ZC2HC1A: variants seen among roughly 807,000 people sequenced by gnomAD.
The protein encoded by ZC2HC1A is zinc finger C2HC-type containing 1A, also known as zinc finger C2HC domain-containing protein 1A.
Under a neutral mutation model 40.7 loss-of-function variants are expected in ZC2HC1A, and 28 were observed. That is an observed-to-expected ratio of 0.69 (90% confidence interval 0.51 to 0.94). The LOEUF (loss-of-function observed/expected upper bound fraction) is 0.94. ZC2HC1A is among the 40% of genes least tolerant of loss of function. ZC2HC1A has a pLI of 0.00. For synonymous variants in ZC2HC1A, 129 were observed against 129.2 expected (o/e 1.00, Z 0.01); for missense variants, 389 against 386.3 (o/e 1.01, Z -0.06).
intron 1 of ZC2HC1A, among the ~76,000 whole-genome samples, chr8:78,668,645 T>G (rs375631881): frequency 4.7e-4 from 72 of 152,314 alleles, no homozygotes; most frequent in Middle Eastern, 6.8e-3. Context: ...TCAAACACTA[T>G]ACTTTGAAAT....
chr8:78,676,125 T>TA (rs145824687), intron 2 of ZC2HC1A: 23,178 of 193,204 alleles, frequency 0.12, 273 homozygotes, highest in Middle Eastern at 0.17. Context: ...ACAAACAAAA[T>TA]AAAAAAAAAA....
intron 5 of ZC2HC1A, among the ~76,000 whole-genome samples, chr8:78,690,682 A>C (rs1810182576): frequency 6.6e-6 from 1 of 152,204 alleles, no homozygotes; most frequent in Non-Finnish European, 1.5e-5. Context: ...TTCATAAATC[A>C]ATTTGAGAAG....
intron 7 of ZC2HC1A, among the ~76,000 whole-genome samples, chr8:78,708,915 C>T (rs1294824870): frequency 6.6e-6 from 1 of 152,096 alleles, no homozygotes; most frequent in Admixed American, 6.6e-5. Context: ...ATCCATCCAC[C>T]TCGGTTTCCC....
At chr8:78,707,916 C>T (rs1810827286) in intron 7 of ZC2HC1A, among the ~76,000 whole-genome samples, 1 of 151,230 alleles carries the variant, frequency 6.6e-6, no homozygotes, top group Non-Finnish European at 1.5e-5. Flanking sequence ...ATTGTAAGCT[C>T]CATGATGGCA....
intron 1 of ZC2HC1A, among the ~76,000 whole-genome samples, chr8:78,673,274 C>T (rs1809485227): frequency 6.6e-6 from 1 of 152,138 alleles, no homozygotes; most frequent in East Asian, 1.9e-4. Context: ...CATAGTATTC[C>T]ATGGTAGACA....
At chr8:78,714,453 T>C (rs1462231617) in intron 7 of ZC2HC1A, among the ~76,000 whole-genome samples, 2 of 152,194 alleles carry the variant, frequency 1.3e-5, no homozygotes, top group African/African-American at 4.8e-5. Flanking sequence ...GTACTTTTTT[T>C]CTCATAACCT....
At chr8:78,705,739 G>A (rs921199064) in intron 7 of ZC2HC1A, among the ~76,000 whole-genome samples, 11 of 152,156 alleles carry the variant, frequency 7.2e-5, no homozygotes, top group Admixed American at 7.2e-4. Context: ...CTATCCCAGG[G>A]ACTTTGCAAA....
rs1408500504 is a variant in ZC2HC1A at position 78,714,191 on chromosome 8, G to A, written c.705-1030G>A. On this transcript the variant is annotated intron_variant, in intron 7 of 8. Coordinates refer to ENST00000263849, the MANE Select transcript of ZC2HC1A (RefSeq NM_016010.3). ...TGCTTCAATGAACATCTAAATCCTAGCTTTGGAACACACTAGCAGGGTCAC... is the reference window on the plus strand; with the variant it reads ...TGCTTCAATGAACATCTAAATCCTAACTTTGGAACACACTAGCAGGGTCAC... Among the ~76,000 whole-genome samples the A allele has an allele frequency of 2.0e-5, 3 of 152,220 alleles. No individual in the cohort carries two copies. In the East Asian group the frequency reaches 5.8e-4, roughly 29 times the overall value.
At chr8:78,675,359 T>C (rs1585977513) in intron 1 of ZC2HC1A, among the ~76,000 whole-genome samples, 1 of 152,156 alleles carries the variant, frequency 6.6e-6, no homozygotes, top group Middle Eastern at 3.4e-3. Flanking sequence ...CGTTTTATTC[T>C]AGATTCTTCA....
At chr8:78,670,613 A>C (rs886512456) in intron 1 of ZC2HC1A, among the ~76,000 whole-genome samples, 1 of 152,212 alleles carries the variant, frequency 6.6e-6, no homozygotes, top group Non-Finnish European at 1.5e-5. Context: ...GGTCATGTTC[A>C]GACTGGGTAG....
chr8:78,693,937 A>C (rs1239365226), intron 5 of ZC2HC1A, among the ~76,000 whole-genome samples: 1 of 152,184 alleles, frequency 6.6e-6, no homozygotes, highest in Non-Finnish European at 1.5e-5. Flanking sequence ...ATCCAGTTTC[A>C]GCTTTCTACA....
At chr8:78,711,061 AG>A (rs1162953837) in intron 7 of ZC2HC1A, among the ~76,000 whole-genome samples, 1 of 152,104 alleles carries the variant, frequency 6.6e-6, no homozygotes, top group African/African-American at 2.4e-5. Context: ...GACACATAAT[AG>A]ATGCTCATAA....
At chr8:78,698,579 TTTGATAA>T in intron 7 of ZC2HC1A, 66 bp downstream of exon 7, 1 of 1,213,560 alleles carries the variant, frequency 8.2e-7, no homozygotes, top group Non-Finnish European at 1.1e-6. Context: ...TTTGTTATGT[TTTGATAA>T]TTGCTTTTTC....
intron 5 of ZC2HC1A, among the ~76,000 whole-genome samples, chr8:78,693,913 G>C (rs1220377130): frequency 6.6e-6 from 1 of 152,094 alleles, no homozygotes; most frequent in Non-Finnish European, 1.5e-5. Flanking sequence ...TTTTGTGTAA[G>C]GTATAAGGAA....
At chr8:78,709,669 T>G (rs1810892745) in intron 7 of ZC2HC1A, among the ~76,000 whole-genome samples, 1 of 151,828 alleles carries the variant, frequency 6.6e-6, no homozygotes, top group Non-Finnish European at 1.5e-5. Context: ...AAAGAAGAAT[T>G]GTCTTGGACC....
At chr8:78,689,941 T>TA (rs1244881144) in intron 5 of ZC2HC1A, among the ~76,000 whole-genome samples, 2 of 152,202 alleles carry the variant, frequency 1.3e-5, no homozygotes, top group East Asian at 3.9e-4. Context: ...TTTTAGCTCT[T>TA]ACATCTGTAA....
chr8:78,666,283 C>G, intron 1 of ZC2HC1A, 119 bp downstream of exon 1: 8 of 1,484,392 alleles, frequency 5.4e-6, no homozygotes, highest in Non-Finnish European at 5.5e-6. Context: ...TCGCCGCGTC[C>G]CGCCGCGCCT....
At position 78,717,430 on chromosome 8, in the gene ZC2HC1A, TAAATACCC is replaced by T; in HGVS notation, c.916_923del (p.Lys306CysfsTer9). The stretch of plus-strand genomic sequence containing the variant: ...CAAAATTCTGCCATGAGTGTGGGAC[TAAATACCC>T]TGTAGAATGGGCCAAATTTTGCTGT... On this transcript the variant is annotated frameshift_variant, in exon 9 of 9. Coordinates refer to ENST00000263849, the MANE Select transcript of ZC2HC1A (RefSeq NM_016010.3). LOFTEE classifies it high-confidence loss of function. 6.2e-7 allele frequency: 1 copy of T among 1,611,728 alleles called. No homozygotes were observed. The highest frequency in any genetic ancestry group is 8.5e-7 in the Non-Finnish European group (1 of 1,179,434).
intron 3 of ZC2HC1A, among the ~76,000 whole-genome samples, chr8:78,683,080 G>GC (rs1455524731): frequency 1.3e-5 from 2 of 152,290 alleles, no homozygotes; most frequent in African/African-American, 4.8e-5. Context: ...GCAGGGTACA[G>GC]CCCCCCTCCT....
Sources: allele counts gnomAD v4.1 joint callset (sites outside exome capture counted in the v4.1 genomes callset), GRCh38; gene constraint gnomAD v4.1.1; transcripts MANE v1.5; gene names NCBI Gene and HGNC (gene_info 2026-07-23, HGNC 2026-07-21).